The following PTPRG variants were observed in gnomAD, a reference collection of about 807,000 sequenced individuals.
The protein encoded by PTPRG is protein tyrosine phosphatase receptor type G.
Under a neutral mutation model 165.3 loss-of-function variants are expected in PTPRG, and 102 were observed. That is an observed-to-expected ratio of 0.62 (90% confidence interval 0.53 to 0.73). PTPRG has a LOEUF of 0.73. PTPRG is among the 30% of genes least tolerant of loss of function. The pLI is 0.00. For synonymous variants in PTPRG, 675 were observed against 669.5 expected (o/e 1.01, Z -0.13); for missense variants, 1,866 against 1,861.4 (o/e 1.00, Z -0.05).
Position 61,820,718 on chromosome 3 carries a change from T to C in PTPRG, c.190+71736T>C, listed in dbSNP as rs1365524128. On this transcript the variant is annotated intron_variant, in intron 2 of 29. Coordinates refer to ENST00000474889, the MANE Select transcript of PTPRG (RefSeq NM_002841.4). Reference sequence around the variant, plus strand: ...AAAGCAGGTTTTGCTCTTGGGTAGATAGAGGCGCCTGGCTGCTGGGGATTG... The same window carrying C: ...AAAGCAGGTTTTGCTCTTGGGTAGACAGAGGCGCCTGGCTGCTGGGGATTG... Among the ~76,000 whole-genome samples, 5 of 150,222 alleles carry C rather than the reference T, an allele frequency of 3.3e-5. No individual in the cohort carries two copies. In the Admixed American group the frequency reaches 3.4e-4, roughly 10 times the overall value.
In PTPRG at chr3:61,609,485, A is replaced by G. The variant is rs559042190; in HGVS notation, c.85+47113A>G. On this transcript the variant is annotated intron_variant, in intron 1 of 29. Transcript: ENST00000474889. ...AGTTTCAGGTTCTTAAGAGTAGTAC[A>G]AACAGAAAAGGTGGTTCACCAACAA... 1.1e-3 allele frequency among the ~76,000 whole-genome samples: 162 copies of G among 152,336 alleles called. 1 individual carries two copies. The highest frequency in any genetic ancestry group is 3.6e-3 in the African/African-American group (151 of 41,578).
chr3:62,191,062 T>TGC (rs1699799014), intron 8 of PTPRG, among the ~76,000 whole-genome samples: 1 of 152,178 alleles, frequency 6.6e-6, no homozygotes, highest in Non-Finnish European at 1.5e-5. Flanking sequence ...TCTGTGTGTG[T>TGC]GCGCATGTGC....
At chr3:61,935,994 G>T (rs1431203192) in intron 2 of PTPRG, among the ~76,000 whole-genome samples, 5 of 152,046 alleles carry the variant, frequency 3.3e-5, no homozygotes, top group Non-Finnish European at 7.4e-5. Context: ...CTCATGAATG[G>T]TATTACTACC....
At chr3:62,085,684 T>A (rs1701729948) in intron 5 of PTPRG, among the ~76,000 whole-genome samples, 1 of 152,224 alleles carries the variant, frequency 6.6e-6, no homozygotes, top group South Asian at 2.1e-4. Flanking sequence ...ATTCTTTACA[T>A]GTCTATGTTT....
At chr3:62,106,529 C>G (rs1238066075) in intron 5 of PTPRG, among the ~76,000 whole-genome samples, 1 of 134,582 alleles carries the variant, frequency 7.4e-6, no homozygotes, top group Non-Finnish European at 1.5e-5. Flanking sequence ...TTGGCTTGAT[C>G]TCACTCTGTT....
Position 62,252,514 on chromosome 3 carries a change from T to C in PTPRG, c.2468-2610T>C, listed in dbSNP as rs748408442. 1.3e-5 allele frequency among the ~76,000 whole-genome samples: 2 copies of C among 152,206 alleles called. No homozygotes were observed. The highest frequency in any genetic ancestry group is 2.9e-5 in the Non-Finnish European group (2 of 68,034). On this transcript the variant is annotated intron_variant, in intron 15 of 29. Transcript: ENST00000474889. This position sits in a 1 kb window ranked among gnomAD's most constrained non-coding sequence, Gnocchi z 4.6. ...TGCTAATATTCCCTTCAATCTTTAA[T>C]GAAACTCAGACATTTAGGTGGAGAT...
chr3:61,742,668 T>G (rs1020835381), intron 1 of PTPRG: 113 of 1,605,068 alleles, frequency 7.0e-5, no homozygotes, highest in Non-Finnish European at 9.0e-5. Flanking sequence ...CCTCACCCAC[T>G]TTGGCCACCA....
chr3:61,871,242 T>G (rs2037573914), intron 2 of PTPRG, among the ~76,000 whole-genome samples: 1 of 151,706 alleles, frequency 6.6e-6, no homozygotes, highest in African/African-American at 2.4e-5. Context: ...TAATGTTATA[T>G]TTTAAGACAG....
intron 2 of PTPRG, among the ~76,000 whole-genome samples, chr3:61,865,176 T>G (rs1035838574): frequency 6.6e-6 from 1 of 152,122 alleles, no homozygotes; most frequent in African/African-American, 2.4e-5. Flanking sequence ...GAGAAATGCC[T>G]TGGATATTTG....
intron 1 of PTPRG, among the ~76,000 whole-genome samples, chr3:61,563,820 G>A (rs1575503484): frequency 6.6e-6 from 1 of 152,102 alleles, no homozygotes; most frequent in East Asian, 1.9e-4. Flanking sequence ...GGATCCCCTC[G>A]GGGGACTGGC....
intron 2 of PTPRG, among the ~76,000 whole-genome samples, chr3:61,909,454 A>G (rs1055377634): frequency 6.6e-6 from 1 of 152,060 alleles, no homozygotes; most frequent in African/African-American, 2.4e-5. Flanking sequence ...GGGCCAAGCA[A>G]TCCTCCCACG....
chr3:61,671,890 G>T (rs538202065), intron 1 of PTPRG, among the ~76,000 whole-genome samples: 1 of 144,818 alleles, frequency 6.9e-6, no homozygotes, highest in African/African-American at 2.6e-5. Flanking sequence ...CTGGATGGGC[G>T]GGGGGGGCTG....
chr3:62,285,282 C>A (rs184670931), intron 28 of PTPRG, among the ~76,000 whole-genome samples: 1 of 152,008 alleles, frequency 6.6e-6, no homozygotes, highest in Non-Finnish European at 1.5e-5. Flanking sequence ...CAAATTGTCC[C>A]CAGAAAGCCT....
Position 62,213,091 on chromosome 3 carries a change from G to A in PTPRG, c.2156-5760G>A, listed in dbSNP as rs1700403684. Among the ~76,000 whole-genome samples, 1 of 152,176 alleles carries A rather than the reference G, an allele frequency of 6.6e-6. No homozygotes were observed. On this transcript the variant is annotated intron_variant, in intron 12 of 29. Coordinates refer to ENST00000474889, the MANE Select transcript of PTPRG (RefSeq NM_002841.4). The surrounding 1 kb of genome is among the most constrained non-coding windows in gnomAD (Gnocchi z 4.4). ...AGTAACTGGGCAGCTCAGTTCTGCT[G>A]GACCCTTCAGGAGGCAGCTAGGTTA...
chr3:61,793,686 CCTTAA>C (rs1264936081), intron 2 of PTPRG, among the ~76,000 whole-genome samples: 1 of 152,068 alleles, frequency 6.6e-6, no homozygotes, highest in Non-Finnish European at 1.5e-5. Context: ...CCAGCCAAGA[CCTTAA>C]CTTGCAAATT....
At chr3:61,653,896 C>CA (rs1553644917) in intron 1 of PTPRG, among the ~76,000 whole-genome samples, 10 of 20,898 alleles carry the variant, frequency 4.8e-4, no homozygotes, top group African/African-American at 5.3e-4. Flanking sequence ...AAGCGGGGAG[C>CA]GGTGGGGGGC....
intron 5 of PTPRG, among the ~76,000 whole-genome samples, chr3:62,116,301 T>C (rs1012838778): frequency 6.6e-6 from 1 of 152,226 alleles, no homozygotes; most frequent in Non-Finnish European, 1.5e-5. Flanking sequence ...GCATGATTGC[T>C]GTGCTGCCTC....
chr3:61,972,492 G>C (rs79311692), intron 2 of PTPRG, among the ~76,000 whole-genome samples: 2 of 150,534 alleles, frequency 1.3e-5, no homozygotes, highest in East Asian at 2.0e-4. Context: ...AAGGGGAGGG[G>C]AGGGTGGGTC....
At chr3:61,986,914 AG>A (rs1169669698) in intron 2 of PTPRG, among the ~76,000 whole-genome samples, 2 of 122,312 alleles carry the variant, frequency 1.6e-5, no homozygotes, top group African/African-American at 5.1e-5. Context: ...GTCTTTATTT[AG>A]TATCTTTTTT....
Sources: allele counts gnomAD v4.1 joint callset (sites outside exome capture counted in the v4.1 genomes callset), GRCh38; gene constraint gnomAD v4.1.1; non-coding constraint Gnocchi (gnomAD v3.1); transcripts MANE v1.5; gene names NCBI Gene and HGNC (gene_info 2026-07-23, HGNC 2026-07-21).